OR2L13: variants seen among roughly 807,000 people sequenced by gnomAD.
OR2L13 encodes the protein olfactory receptor 2L13.
A neutral mutation model predicts 15.3 loss-of-function variants in OR2L13; 14 were observed. The ratio of observed to expected loss-of-function variants is 0.91; its 90% CI spans 0.60 to 1.43. The LOEUF (loss-of-function observed/expected upper bound fraction) is 1.43, where lower values mean the gene tolerates loss of function less well. Ranked by LOEUF, OR2L13 falls within the 40% of genes most tolerant of loss-of-function variation. The pLI, the probability that OR2L13 is intolerant of heterozygous loss-of-function variation, is 0.00. For synonymous variants in OR2L13, 152 were observed against 142.9 expected, an observed-to-expected ratio of 1.06 and a Z score of -0.45; for missense variants, 367 against 387.9, an observed-to-expected ratio of 0.95 and a Z score of 0.45.
the OR2L13 span, among the ~76,000 whole-genome samples, chr1:248,034,378 G>T: frequency 9.2e-5 from 14 of 152,226 alleles, no homozygotes; most frequent in East Asian, 2.5e-3. Flanking sequence ...GAGGCGTTTG[G>T]TAAGTTTTAA....
At chr1:248,037,674 C>T in the OR2L13 span, among the ~76,000 whole-genome samples, 3 of 152,124 alleles carry the variant, frequency 2.0e-5, no homozygotes, top group Non-Finnish European at 2.9e-5. Flanking sequence ...TAATTCACAG[C>T]CTTACTAAAC....
chr1:248,089,036 C>T, the OR2L13 span, among the ~76,000 whole-genome samples: 8 of 152,024 alleles, frequency 5.3e-5, no homozygotes, highest in Non-Finnish European at 1.0e-4. Context: ...GTCAATCCCA[C>T]AAGACTGCCT....
the OR2L13 span, among the ~76,000 whole-genome samples, chr1:247,994,765 AT>A: frequency 6.6e-6 from 1 of 152,232 alleles, no homozygotes; most frequent in Non-Finnish European, 1.5e-5. Flanking sequence ...AGTAAAAAAA[AT>A]CATAACTATG....
At chr1:248,090,254 G>A (rs1280817800), upstream of OR2L13, among the ~76,000 whole-genome samples, 1 of 152,132 alleles carries the variant, frequency 6.6e-6, no homozygotes, top group East Asian at 1.9e-4. Context: ...GTATGTAAAT[G>A]TGTTTGCTAA....
chr1:247,987,091 ATTGT>A, the OR2L13 span, among the ~76,000 whole-genome samples: 11,680 of 151,978 alleles, frequency 0.077, 527 homozygotes, highest in East Asian at 0.18. Context: ...TCTCTTTCAG[ATTGT>A]TTGTTGTTAG....
chr1:248,070,553 A>G, the OR2L13 span, among the ~76,000 whole-genome samples: 14,335 of 152,212 alleles, frequency 0.094, 919 homozygotes, highest in Non-Finnish European at 0.14. Context: ...CCCTAACATC[A>G]CAATTAAAAA....
the OR2L13 span, among the ~76,000 whole-genome samples, chr1:247,989,089 T>G: frequency 1.3e-5 from 2 of 152,046 alleles, no homozygotes; most frequent in East Asian, 3.9e-4. Flanking sequence ...CTGCACTAAC[T>G]TAAGAATTCT....
At chr1:248,041,984 A>T in the OR2L13 span, 14 of 152,174 alleles carry the variant, frequency 9.2e-5, no homozygotes, top group African/African-American at 3.4e-4. Flanking sequence ...ATACCATTTG[A>T]CCCAACCATC....
the OR2L13 span, among the ~76,000 whole-genome samples, chr1:247,970,306 T>G: frequency 2.0e-5 from 3 of 152,260 alleles, no homozygotes; most frequent in Admixed American, 2.0e-4. Flanking sequence ...ACCTGTACAT[T>G]GTGCACATGT....
chr1:247,978,758 CCCT>C, the OR2L13 span, among the ~76,000 whole-genome samples: 1 of 151,904 alleles, frequency 6.6e-6, no homozygotes, highest in Non-Finnish European at 1.5e-5. Flanking sequence ...TTTCAGGATC[CCCT>C]CCTCCTCTGG....
the OR2L13 span, among the ~76,000 whole-genome samples, chr1:247,960,238 G>T: frequency 6.6e-6 from 1 of 152,172 alleles, no homozygotes; most frequent in Non-Finnish European, 1.5e-5. Flanking sequence ...ATCAGCAGCG[G>T]AGGCTGCAGA....
the OR2L13 span, among the ~76,000 whole-genome samples, chr1:248,050,377 T>C: frequency 6.6e-6 from 1 of 152,210 alleles, no homozygotes; most frequent in Non-Finnish European, 1.5e-5. Context: ...CATTTGGATT[T>C]ATTTTTACAT....
the OR2L13 span, among the ~76,000 whole-genome samples, chr1:247,995,104 G>GTTTTTA: frequency 2.0e-5 from 3 of 152,176 alleles, no homozygotes; most frequent in East Asian, 3.9e-4. Context: ...ATGACATTAG[G>GTTTTTA]TCCAATAGCT....
the OR2L13 span, among the ~76,000 whole-genome samples, chr1:247,963,030 G>A: frequency 2.0e-5 from 3 of 152,272 alleles, no homozygotes; most frequent in African/African-American, 7.2e-5. Context: ...AGCCCGGGAT[G>A]CCATGTGGGT....
the OR2L13 span, among the ~76,000 whole-genome samples, chr1:248,077,416 G>T: frequency 6.6e-6 from 1 of 152,198 alleles, no homozygotes; most frequent in Non-Finnish European, 1.5e-5. Context: ...CAGAAGGAAT[G>T]GTACCAGCTC....
the OR2L13 span, among the ~76,000 whole-genome samples, chr1:247,982,160 A>C: frequency 1.3e-5 from 2 of 152,172 alleles, no homozygotes; most frequent in Non-Finnish European, 2.9e-5. Context: ...GTAATGAATA[A>C]TAATTTTTCT....
At chr1:248,006,034 C>A in the OR2L13 span, among the ~76,000 whole-genome samples, 1 of 152,106 alleles carries the variant, frequency 6.6e-6, no homozygotes, top group Admixed American at 6.6e-5. Context: ...ATGAATACAA[C>A]AGAGATGGGC....
At chr1:247,999,887 C>G in the OR2L13 span, among the ~76,000 whole-genome samples, 11 of 152,214 alleles carry the variant, frequency 7.2e-5, no homozygotes, top group African/African-American at 2.6e-4. Context: ...TTTTCCAGCT[C>G]TATGTGTTAG....
the OR2L13 span, among the ~76,000 whole-genome samples, chr1:247,982,769 TAGA>T: frequency 2.6e-5 from 4 of 152,128 alleles, no homozygotes; most frequent in African/African-American, 9.7e-5. Flanking sequence ...TACGAGGAAA[TAGA>T]AGAAGTTGAA....
Sources: gnomAD v4.1 joint callset for allele counts (sites outside exome capture counted in the v4.1 genomes callset) on GRCh38, gnomAD v4.1.1 for gene constraint, MANE v1.5 for transcripts, NCBI Gene and HGNC (gene_info 2026-07-23, HGNC 2026-07-21) for gene names.